The following PTPDC1 variants were observed in gnomAD, a reference collection of about 807,000 sequenced individuals.
PTPDC1 encodes the protein protein tyrosine phosphatase domain containing 1.
Under a neutral mutation model 75.3 loss-of-function variants are expected in PTPDC1, and 53 were observed. The observed-to-expected ratio is 0.70, with a 90% CI of 0.56 to 0.88. The LOEUF (loss-of-function observed/expected upper bound fraction) is 0.88. Ranked by LOEUF, PTPDC1 falls within the 40% of genes least tolerant of loss-of-function variation. PTPDC1 has a pLI of 0.00. For synonymous variants in PTPDC1, 349 were observed against 366.2 expected (o/e 0.95, Z 0.54); for missense variants, 925 against 998.6 (o/e 0.93, Z 0.99).
At chr9:94,090,687 C>T (rs1327840751) in intron 4 of PTPDC1, among the ~76,000 whole-genome samples, 89 of 122,118 alleles carry the variant, frequency 7.3e-4, no homozygotes, top group African/African-American at 2.7e-3. Context: ...GCCATTTTCA[C>T]GATATTGATT....
At chr9:94,084,848 A>G (rs952630515) in intron 1 of PTPDC1, 74 bp downstream of exon 1, 2 of 1,100,046 alleles carry the variant, frequency 1.8e-6, no homozygotes, top group African/African-American at 3.2e-5. Context: ...TGTTGTGTTT[A>G]TACCTTTTTA....
At position 94,098,352 on chromosome 9, in the gene PTPDC1, A is replaced by G; in HGVS notation, c.1786A>G (p.Ser596Gly). ...VGSPGSVRQN[S>G]RTPRSPLDCG... is the part of the protein sequence containing the mutation. ...GAGCCCTGGCTCTGTCAGGCAGAAC[A>G]GCAGGACACCCCGAAGCCCTCTGGA... The change falls in exon 6 of 9, where the codon AGC (serine) becomes GGC (glycine). Residue 596 changes from serine (S) to glycine (G), a missense_variant. By Grantham distance (56) the Ser-to-Gly change is moderately conservative. Coordinates refer to ENST00000620992, the MANE Select transcript of PTPDC1 (RefSeq NM_001253829.2). The G allele has an allele frequency of 2.4e-5, 39 of 1,614,228 alleles. No homozygotes were observed. Among genetic ancestry groups the G allele is most frequent in the Non-Finnish European group, 3.2e-5 (38 of 1,180,036 alleles).
At chr9:94,106,291 A>G (rs1828021578) in intron 8 of PTPDC1, among the ~76,000 whole-genome samples, 1 of 152,232 alleles carries the variant, frequency 6.6e-6, no homozygotes, top group South Asian at 2.1e-4. Flanking sequence ...TTTGAGGATC[A>G]ACTCTTCACT....
Position 94,066,058 on chromosome 9 carries a change from T to C in PTPDC1, c.82+1237T>C, listed in dbSNP as rs767303679. ...TGGCTTTGCGGGTGGGACAACTCTT[T>C]GTTGTGCTGGAGAGCTCTGAGCACC... On this transcript the variant is annotated intron_variant, in intron 2 of 9. Transcript: ENST00000375360. 4.6e-5 allele frequency among the ~76,000 whole-genome samples: 7 copies of C among 152,276 alleles called. No individual in the cohort carries two copies. The South Asian group carries it at 8.3e-4, about 18-fold the overall frequency.
At chr9:94,076,614 T>C (rs1826700783) in intron 2 of PTPDC1, among the ~76,000 whole-genome samples, 1 of 152,300 alleles carries the variant, frequency 6.6e-6, no homozygotes, top group Non-Finnish European at 1.5e-5. Flanking sequence ...ATTTGGACTC[T>C]TTTCACTTTT....
In PTPDC1 at chr9:94,098,599, T is replaced by C. The variant is rs911536279; in HGVS notation, c.2013+20T>C. ...TGGCAGGTATTATTAGTACTTAATTTAATTATAGATATGTGGGAAATATTT... is the reference window on the plus strand; with the variant it reads ...TGGCAGGTATTATTAGTACTTAATTCAATTATAGATATGTGGGAAATATTT... On this transcript the variant is annotated intron_variant, in intron 6 of 8. Transcript: ENST00000620992. 4 of 1,561,982 alleles carry C rather than the reference T, an allele frequency of 2.6e-6. No homozygotes were observed.
rs991254615 is a variant in PTPDC1 at position 94,108,986 on chromosome 9, C to G, written c.*1042C>G. On this transcript the variant is annotated 3_prime_UTR_variant, in exon 9 of 9. Transcript: ENST00000620992. Reference sequence around the variant, plus strand: ...TGGCCCTGGCCCCACACTCCCAAATCTGCCACTCCATAGACCCACTTGCCT... The same window carrying G: ...TGGCCCTGGCCCCACACTCCCAAATGTGCCACTCCATAGACCCACTTGCCT... 6.6e-6 allele frequency: 1 copy of G among 152,340 alleles called. No individual in the cohort carries two copies. Among genetic ancestry groups the G allele is most frequent in the Non-Finnish European group, 1.5e-5 (1 of 68,120 alleles). The allele number at this position is 152,340 out of a possible 1,614,324, so 9.4% of individuals were successfully genotyped here. A position where few individuals can be genotyped will look rare whatever the true frequency, so the allele number is the denominator to read the frequency against.
intron 1 of PTPDC1, among the ~76,000 whole-genome samples, chr9:94,062,211 T>C (rs1023687255): frequency 6.6e-6 from 1 of 152,204 alleles, no homozygotes; most frequent in African/African-American, 2.4e-5. Flanking sequence ...AGCCAAGCTC[T>C]TTGCCAAGGT....
intron 7 of PTPDC1, among the ~76,000 whole-genome samples, chr9:94,102,058 T>A (rs1355450949): frequency 6.6e-6 from 1 of 152,218 alleles, no homozygotes; most frequent in African/African-American, 2.4e-5. Context: ...TTATATTTCA[T>A]TTTTGCTTAA....
Position 94,104,197 on chromosome 9 carries a change from G to A in PTPDC1, c.2200-78G>A, listed in dbSNP as rs1025253793. 9.1e-6 allele frequency: 8 copies of A among 876,286 alleles called. No homozygotes were observed. In the African/African-American group the frequency reaches 1.2e-4, roughly 13 times the overall value. The allele number at this position is 876,286 out of a possible 1,614,324, so 54.3% of individuals were successfully genotyped here. ...AGTACTTGGTCACAAACCAATTCTT[G>A]ACTCTACGATAGTTTTGAATTGATT... On this transcript the variant is annotated intron_variant, in intron 7 of 8. Transcript: ENST00000620992.
chr9:94,090,341 T>A (rs1440178463), intron 4 of PTPDC1, among the ~76,000 whole-genome samples: 2 of 147,774 alleles, frequency 1.4e-5, no homozygotes, highest in African/African-American at 5.1e-5. Context: ...TAGGGAATCC[T>A]TTCCCCATTG....
intron 6 of PTPDC1, 74 bp from the exon 7 acceptor site, chr9:94,101,492 T>C: frequency 8.9e-7 from 1 of 1,128,002 alleles, no homozygotes; most frequent in Non-Finnish European, 1.3e-6. Flanking sequence ...AATCATGCAG[T>C]GTCAAATGGT....
chr9:94,044,424 C>G (rs1451482704), intron 1 of PTPDC1, among the ~76,000 whole-genome samples: 1 of 152,208 alleles, frequency 6.6e-6, no homozygotes, highest in Non-Finnish European at 1.5e-5. Context: ...TTAAGCCCAG[C>G]ATTAGCTGTT....
At chr9:94,032,599 T>C (rs1307100734) in intron 1 of PTPDC1, among the ~76,000 whole-genome samples, 1 of 152,230 alleles carries the variant, frequency 6.6e-6, no homozygotes, top group Non-Finnish European at 1.5e-5. Context: ...TTTGCTTTGC[T>C]TTTTTAAAAT....
At chr9:94,071,738 A>G (rs1052284737) in intron 2 of PTPDC1, among the ~76,000 whole-genome samples, 2 of 152,214 alleles carry the variant, frequency 1.3e-5, no homozygotes, top group Admixed American at 6.5e-5. Context: ...ATCATCTTAG[A>G]TAGGACCTGT....
At position 94,084,746 on chromosome 9, in the gene PTPDC1, C is replaced by A; in HGVS notation, c.216C>A (p.Asn72Lys). The change falls in exon 1 of 9, where the codon AAC (asparagine) becomes AAA (lysine). Residue 72 changes from asparagine (N) to lysine (K), a missense_variant. Physicochemically the swap from Asn to Lys is moderately conservative, Grantham distance 94. Coordinates refer to ENST00000620992, the MANE Select transcript of PTPDC1 (RefSeq NM_001253829.2). ...CCTCAGTCAGCCATGCAGAGGGAAA[C>A]CCAACTTTCCCCGAAAGAAAAAGTA... The part of the protein sequence containing the change: ...AVSSVSHAEG[N>K]PTFPERKSKG... The A allele has an allele frequency of 6.3e-7, 1 of 1,582,660 alleles. No homozygotes were observed.
rs142673788 is a variant in PTPDC1 at position 94,042,910 on chromosome 9, G to A, written c.-7+11783G>A. Among the ~76,000 whole-genome samples the A allele has an allele frequency of 8.4e-4, 128 of 152,314 alleles. 1 individual carries two copies. Among genetic ancestry groups the A allele is most frequent in the African/African-American group, 2.6e-3 (110 of 41,580 alleles). ...TCAGAGGGCAGCATCTTCACTAGAT[G>A]TAGATTCCCTATCAAGAAACCACTT... On this transcript the variant is annotated intron_variant, in intron 1 of 9. Transcript: ENST00000375360.
intron 1 of PTPDC1, among the ~76,000 whole-genome samples, chr9:94,064,407 G>A (rs564726325): frequency 6.6e-6 from 1 of 152,252 alleles, no homozygotes; most frequent in African/African-American, 2.4e-5. Flanking sequence ...TTGGTTTTTT[G>A]ACATCTAAGA....
chr9:94,075,629 C>T (rs1826659530), intron 2 of PTPDC1, among the ~76,000 whole-genome samples: 1 of 152,180 alleles, frequency 6.6e-6, no homozygotes, highest in Non-Finnish European at 1.5e-5. Flanking sequence ...TACTGTTCCT[C>T]AAGTCCTGAG....
Sources: allele counts gnomAD v4.1 joint callset (sites outside exome capture counted in the v4.1 genomes callset), GRCh38; gene constraint gnomAD v4.1.1; transcripts MANE v1.5; gene names NCBI Gene and HGNC (gene_info 2026-07-23, HGNC 2026-07-21).